Variants in CEP128 observed in about 807,000 individuals in gnomAD.
CEP128 encodes the protein centrosomal protein 128kDa.
In CEP128, 132 loss-of-function variants were observed where a neutral mutation model predicts 156.7. That is an observed-to-expected ratio of 0.84 (90% CI 0.73 to 0.97). The LOEUF (loss-of-function observed/expected upper bound fraction) is 0.97, where lower values mean the gene tolerates loss of function less well. Ranked by LOEUF, CEP128 falls within the 50% of genes least tolerant of loss-of-function variation. CEP128 has a pLI of 0.00. For missense variants in CEP128, 1,252 were observed against 1,281.9 expected, an observed-to-expected ratio of 0.98 and a Z score of 0.36; for synonymous variants, 469 against 448.9, an observed-to-expected ratio of 1.04 and a Z score of -0.57.
At position 80,513,955 on chromosome 14, in the gene CEP128, A is replaced by C. The variant is rs144309363; in HGVS notation, c.3073-8935T>G. Among the ~76,000 whole-genome samples the C allele has an allele frequency of 3.2e-4, 48 of 152,242 alleles. 1 individual carries two copies. The East Asian group carries it at 9.1e-3, about 29-fold the overall frequency. ...TCCTGAAGAGATTAACTAAAAGCCTAGCACCTTTTAACGATCTGAATAGGA... is the reference window on the plus strand; with the variant it reads ...TCCTGAAGAGATTAACTAAAAGCCTCGCACCTTTTAACGATCTGAATAGGA... On this transcript the variant is annotated intron_variant, in intron 23 of 24. Coordinates refer to ENST00000555265, the MANE Select transcript of CEP128 (RefSeq NM_152446.5).
chr14:80,760,504 A>C (rs1307318944), intron 17 of CEP128, among the ~76,000 whole-genome samples: 1 of 152,100 alleles, frequency 6.6e-6, no homozygotes, highest in Non-Finnish European at 1.5e-5. Context: ...TAGAAGAGGA[A>C]AAAGACTAAT....
Position 80,766,637 on chromosome 14 carries a change from C to A in CEP128, c.2377-5024G>T, listed in dbSNP as rs143994091. Among the ~76,000 whole-genome samples the A allele has an allele frequency of 2.8e-3, 421 of 152,190 alleles. 2 individuals are homozygous for A. The highest frequency in any genetic ancestry group is 6.8e-3 in the Middle Eastern group (2 of 294). ...ATATGGCTATTACATGAAGTAAAAACAGTTCATCAAACACCTTAAACAGAA... is the reference window on the plus strand; with the variant it reads ...ATATGGCTATTACATGAAGTAAAAAAAGTTCATCAAACACCTTAAACAGAA... On this transcript the variant is annotated intron_variant, in intron 16 of 24. Transcript: ENST00000555265.
intron 20 of CEP128, among the ~76,000 whole-genome samples, chr14:80,566,445 G>C (rs1890911673): frequency 6.6e-6 from 1 of 152,024 alleles, no homozygotes; most frequent in Non-Finnish European, 1.5e-5. Context: ...AATGAAAAGG[G>C]AAAGGCTTTG....
intron 20 of CEP128, among the ~76,000 whole-genome samples, chr14:80,573,088 A>G (rs1028685263): frequency 1.2e-5 from 1 of 85,878 alleles, no homozygotes; most frequent in African/African-American, 5.2e-5. Flanking sequence ...ACGCCTGACT[A>G]ATTTTTTTTT....
intron 19 of CEP128, among the ~76,000 whole-genome samples, chr14:80,606,045 T>G (rs1436838293): frequency 6.6e-6 from 1 of 152,138 alleles, no homozygotes; most frequent in South Asian, 2.1e-4. Flanking sequence ...TCTTTGGTGT[T>G]ATGTTCCAAT....
At chr14:80,744,310 T>C (rs1379299299) in intron 18 of CEP128, among the ~76,000 whole-genome samples, 3 of 152,122 alleles carry the variant, frequency 2.0e-5, no homozygotes, top group South Asian at 4.1e-4. Flanking sequence ...CCTAGTTATA[T>C]ATGAAATGTA....
intron 19 of CEP128, among the ~76,000 whole-genome samples, chr14:80,704,820 C>T (rs1037118447): frequency 9.2e-5 from 14 of 151,806 alleles, no homozygotes; most frequent in African/African-American, 3.1e-4. Flanking sequence ...CCTCTTGCCT[C>T]GTTTTTTCCT....
At chr14:80,534,527 C>G (rs535274654) in intron 21 of CEP128, among the ~76,000 whole-genome samples, 1 of 152,148 alleles carries the variant, frequency 6.6e-6, no homozygotes, top group South Asian at 2.1e-4. Flanking sequence ...GACAAGTCCC[C>G]ACTGTTAAGG....
intron 8 of CEP128, among the ~76,000 whole-genome samples, chr14:80,874,033 C>T (rs1888156679): frequency 6.6e-6 from 1 of 152,054 alleles, no homozygotes; most frequent in African/African-American, 2.4e-5. Flanking sequence ...TTGTAAATTG[C>T]CCAGTTCGTA....
intron 19 of CEP128, among the ~76,000 whole-genome samples, chr14:80,589,911 T>A (rs1314289687): frequency 6.6e-6 from 1 of 152,174 alleles, no homozygotes; most frequent in Non-Finnish European, 1.5e-5. Flanking sequence ...TAGATGCCAA[T>A]AAATTAGTTT....
chr14:80,924,138 C>T (rs1324610028), intron 2 of CEP128, among the ~76,000 whole-genome samples: 1 of 152,142 alleles, frequency 6.6e-6, no homozygotes, highest in Non-Finnish European at 1.5e-5. Flanking sequence ...TGAAAATGAA[C>T]TAAGAGTTTC....
At chr14:80,506,054 C>T (rs781080188) in intron 23 of CEP128, among the ~76,000 whole-genome samples, 3 of 152,166 alleles carry the variant, frequency 2.0e-5, no homozygotes, top group Non-Finnish European at 4.4e-5. Flanking sequence ...TCAGATAAGA[C>T]CCCTCTGGGA....
intron 19 of CEP128, among the ~76,000 whole-genome samples, chr14:80,611,177 A>G (rs933074915): frequency 3.9e-5 from 6 of 152,096 alleles, no homozygotes; most frequent in Non-Finnish European, 7.4e-5. Flanking sequence ...TTGAAAAACT[A>G]TAAGATAAGG....
At chr14:80,831,609 TAAA>T (rs199583399) in intron 12 of CEP128, among the ~76,000 whole-genome samples, 6 of 129,534 alleles carry the variant, frequency 4.6e-5, no homozygotes, top group Non-Finnish European at 1.0e-4. Context: ...CTCCAAACAG[TAAA>T]AAAAAAAAAA....
Position 80,819,139 on chromosome 14 carries a change from G to A in CEP128, c.1209+12004C>T, listed in dbSNP as rs73344661. Among the ~76,000 whole-genome samples the A allele has an allele frequency of 2.4e-3, 366 of 151,944 alleles. 1 individual carries two copies. Among genetic ancestry groups the A allele is most frequent in the African/African-American group, 8.4e-3 (349 of 41,432 alleles). On this transcript the variant is annotated intron_variant, in intron 13 of 24. Coordinates refer to ENST00000555265, the MANE Select transcript of CEP128 (RefSeq NM_152446.5). Reference sequence around the variant, plus strand: ...CAAAGATCTGAATACTATCTTGCATGGTCAGATTCTGGTGCAGACCTTCTT... The same window carrying A: ...CAAAGATCTGAATACTATCTTGCATAGTCAGATTCTGGTGCAGACCTTCTT...
chr14:80,698,324 G>A (rs1433103973), intron 19 of CEP128, among the ~76,000 whole-genome samples: 1 of 151,974 alleles, frequency 6.6e-6, no homozygotes, highest in African/African-American at 2.4e-5. Context: ...ATATCACCAA[G>A]TAGAATCCCT....
intron 19 of CEP128, among the ~76,000 whole-genome samples, chr14:80,641,018 T>A (rs1434565876): frequency 1.3e-5 from 2 of 152,208 alleles, no homozygotes; most frequent in African/African-American, 4.8e-5. Context: ...GAAGGGCCAT[T>A]ATTATGAGAA....
intron 8 of CEP128, among the ~76,000 whole-genome samples, chr14:80,865,303 C>T (rs888328467): frequency 2.0e-5 from 3 of 152,080 alleles, no homozygotes; most frequent in African/African-American, 4.8e-5. Flanking sequence ...GGTGTATATA[C>T]GTGTGTATGT....
intron 19 of CEP128, among the ~76,000 whole-genome samples, chr14:80,618,182 C>T (rs1035663053): frequency 1.3e-5 from 2 of 152,100 alleles, no homozygotes; most frequent in Non-Finnish European, 2.9e-5. Context: ...CAATTTTTTT[C>T]GTTCAATTAC....
Sources: gnomAD v4.1 joint callset for allele counts (sites outside exome capture counted in the v4.1 genomes callset) on GRCh38, gnomAD v4.1.1 for gene constraint, MANE v1.5 for transcripts, NCBI Gene and HGNC (gene_info 2026-07-23, HGNC 2026-07-21) for gene names.